LSM14B: variants seen among roughly 807,000 people sequenced by gnomAD.
LSM14B encodes LSM family member 14B.
A neutral mutation model predicts 42.1 loss-of-function variants in LSM14B; 8 were observed. That is an observed-to-expected ratio of 0.19 (90% CI 0.11 to 0.34). LSM14B has a LOEUF of 0.34. Ranked by LOEUF, LSM14B falls within the 10% of genes least tolerant of loss-of-function variation. The pLI, the probability that LSM14B is intolerant of heterozygous loss-of-function variation, is 1.00. For missense variants in LSM14B, 396 were observed against 513.1 expected (o/e 0.77, Z 2.21); for synonymous variants, 219 against 209.7 (o/e 1.04, Z -0.38).
At chr20:62,131,152 G>A (rs1158262834) in intron 6 of LSM14B, among the ~76,000 whole-genome samples, 1 of 152,208 alleles carries the variant, frequency 6.6e-6, no homozygotes, top group East Asian at 1.9e-4. Flanking sequence ...GAAAATGGGT[G>A]GGATAAGGTG....
rs1186586853 is a variant in LSM14B at position 62,133,425 on chromosome 20, C to T, written c.1122C>T (p.Asn374=). ...GGRGNGTTRR[N]PTSHRAGTGR... ...GGGGCAATGGGACCACCCGTCGCAA[C>T]CCCACTTCCCACAGGGCCGGGACTG... Residue 374 remains asparagine, a synonymous_variant, in exon 8 of 9, where the codon AAC becomes AAT. Coordinates refer to ENST00000279068, the MANE Select transcript of LSM14B (RefSeq NM_144703.3). 1 of 1,613,120 alleles carries T rather than the reference C, an allele frequency of 6.2e-7. No individual in the cohort carries two copies. Among genetic ancestry groups the T allele is most frequent in the South Asian group, 1.1e-5 (1 of 91,060 alleles).
At chr20:62,125,969 G>A (rs567572807) in intron 2 of LSM14B, among the ~76,000 whole-genome samples, 1 of 152,342 alleles carries the variant, frequency 6.6e-6, no homozygotes, top group South Asian at 2.1e-4. Context: ...CTGAGGCTGG[G>A]AGAATCGCTT....
intron 7 of LSM14B, 95 bp downstream of exon 7, chr20:62,131,601 G>T (rs1160469415): frequency 1.4e-6 from 2 of 1,469,966 alleles, no homozygotes; most frequent in Non-Finnish European, 9.3e-7. Context: ...GGACTCTGAG[G>T]CTCAGGGTAG....
At chr20:62,128,825 A>ATTTTTTTTTTT in intron 3 of LSM14B, 3 of 671,038 alleles carry the variant, frequency 4.5e-6, no homozygotes, top group Non-Finnish European at 6.5e-6. Flanking sequence ...TCTACAGTCA[A>ATTTTTTTTTTT]TTTTTTTTTT....
chr20:62,130,423 C>G lies in LSM14B; in HGVS notation c.674-107C>G. 2 of 1,537,026 alleles carry G rather than the reference C, an allele frequency of 1.3e-6. No individual in the cohort carries two copies. Among genetic ancestry groups the G allele is most frequent in the Non-Finnish European group, 1.8e-6 (2 of 1,133,470 alleles). ...GGTGTGAAGTCGCTGCTTGTGTGCT[C>G]TGTTCCTTCTGTGGCCTTGGGGGTG... On this transcript the variant is annotated intron_variant, in intron 5 of 8. Transcript: ENST00000279068. The surrounding 1 kb of genome is among the most constrained non-coding windows in gnomAD (Gnocchi z 4.1).
rs2056873433 is a variant in LSM14B, at chr20:62,135,278, G to A, written c.*1130G>A. The A allele has an allele frequency of 6.6e-6, 1 of 152,196 alleles. No homozygotes were observed. The highest frequency in any genetic ancestry group is 2.4e-5 in the African/African-American group (1 of 41,446). The allele number at this position is 152,196 out of a possible 1,614,324, so 9.4% of individuals were successfully genotyped here. On this transcript the variant is annotated 3_prime_UTR_variant, in exon 9 of 9. Coordinates refer to ENST00000279068, the MANE Select transcript of LSM14B (RefSeq NM_144703.3). ...ACTGTAAAAGCTTGGGTTTATTTTT[G>A]TAGGACTTAATGGCTAAGAATTAGA...
intron 3 of LSM14B, chr20:62,128,825 ATTT>A (rs3215746): frequency 4.8e-5 from 32 of 670,938 alleles, no homozygotes; most frequent in Non-Finnish European, 6.7e-5. Flanking sequence ...TCTACAGTCA[ATTT>A]TTTTTTTCAT....
In LSM14B at chr20:62,124,769, G is replaced by A. The variant is rs1317658835; in HGVS notation, c.280G>A (p.Ala94Thr). 3.7e-6 allele frequency: 6 copies of A among 1,612,444 alleles called. No homozygotes were observed. Among genetic ancestry groups the A allele is most frequent in the South Asian group, 2.2e-5 (2 of 90,890 alleles). ...KAQHTLPQDP[A>T]IVQSSLGSAS... ...TCAGCACACACTCCCGCAGGATCCC[G>A]CCATTGTTCAGGTAAGTGTGCCACT... Residue 94 changes from alanine to threonine, a missense_variant, in exon 2 of 9, where the codon GCC (alanine) becomes ACC (threonine). By Grantham distance (58) the Ala-to-Thr change is moderately conservative. Transcript: ENST00000279068.
chr20:62,134,471 TGAC>T lies in LSM14B; in HGVS notation c.*324_*326del. The T allele has an allele frequency of 5.0e-5, 11 of 221,448 alleles. No individual in the cohort carries two copies. Among genetic ancestry groups the T allele is most frequent in the Non-Finnish European group, 6.3e-5 (7 of 110,600 alleles). 13.7% of individuals were successfully genotyped at this position (221,448 alleles called of 1,614,324 possible). On this transcript the variant is annotated 3_prime_UTR_variant, in exon 9 of 9. Transcript: ENST00000279068. ...TAGTGAAAGCTGAATCCTTACTTTGTGACTTTTTTTTTTTTTTTTAATGACAAG... is the reference window on the plus strand; with the variant it reads ...TAGTGAAAGCTGAATCCTTACTTTGTTTTTTTTTTTTTTTTTAATGACAAG...
intron 3 of LSM14B, among the ~76,000 whole-genome samples, chr20:62,126,659 A>G (rs565742255): frequency 1.3e-5 from 2 of 152,364 alleles, no homozygotes; most frequent in East Asian, 3.9e-4. Context: ...GTGTTGGAAC[A>G]GAAGAATCAA....
rs925114875 is a variant in LSM14B at position 62,130,187 on chromosome 20, G to C, written c.596-32G>C. 6.4e-7 allele frequency: 1 copy of C among 1,568,334 alleles called. No individual in the cohort carries two copies. Among genetic ancestry groups the C allele is most frequent in the Non-Finnish European group, 8.6e-7 (1 of 1,157,010 alleles). On this transcript the variant is annotated intron_variant, in intron 4 of 8. Transcript: ENST00000279068. The surrounding 1 kb of genome is among the most constrained non-coding windows in gnomAD (Gnocchi z 4.1). ...GTTCTGGCTTCCGGCTGCTATAGGA[G>C]CTTTGCCTTACTCTTCCCTTTTGCG...
chr20:62,127,774 GA>G, intron 3 of LSM14B: 1 of 1,060,574 alleles, frequency 9.4e-7, no homozygotes, highest in South Asian at 1.3e-5. Context: ...GCAGCAGACA[GA>G]ATGACAGTAG....
chr20:62,129,869 C>A lies in LSM14B; in HGVS notation c.512C>A (p.Ala171Asp), dbSNP rs753339473. 14 of 1,613,030 alleles carry A rather than the reference C, an allele frequency of 8.7e-6. No individual in the cohort carries two copies. The highest frequency in any genetic ancestry group is 1.2e-5 in the Non-Finnish European group (14 of 1,179,610). ...ACTGGTTCTGCTGACAACCTGAATG[C>A]TAAAAAGCTGTTACCTGGCAAGGGC... ...VQTGSADNLN[A>D]KKLLPGKGTT... The change falls in exon 4 of 9, where the codon GCT becomes GAT. Residue 171 changes from alanine to aspartate, a missense_variant. Transcript: ENST00000279068.
intron 6 of LSM14B, 63 bp from the exon 7 acceptor site, chr20:62,131,293 C>G: frequency 6.6e-7 from 1 of 1,524,622 alleles, no homozygotes; most frequent in South Asian, 1.3e-5. Flanking sequence ...GAGGGACCAC[C>G]CTGCTAAAAG....
At chr20:62,127,963 T>C in intron 3 of LSM14B, 1 of 632,698 alleles carries the variant, frequency 1.6e-6, no homozygotes, top group Non-Finnish European at 2.9e-6. Flanking sequence ...GACTACCACA[T>C]ACGGGAAACT....
intron 1 of LSM14B, chr20:62,123,142 C>G (rs1483064005): frequency 6.5e-6 from 1 of 154,400 alleles, no homozygotes; most frequent in Non-Finnish European, 1.4e-5. Context: ...TCTGCAGGTG[C>G]CAGCTCCGAG....
In LSM14B at chr20:62,128,526, C is replaced by T. The variant is rs188879745; in HGVS notation, c.428-1259C>T. ...CCCCCACTTAAAAATGACACAGATACTTCTATTGCTCTTAGGATCAGTTAC... is the reference window on the plus strand; with the variant it reads ...CCCCCACTTAAAAATGACACAGATATTTCTATTGCTCTTAGGATCAGTTAC... On this transcript the variant is annotated intron_variant, in intron 3 of 8. Transcript: ENST00000279068. 7.2e-4 allele frequency among the ~76,000 whole-genome samples: 109 copies of T among 152,250 alleles called. 1 individual carries two copies. Among genetic ancestry groups the T allele is most frequent in the South Asian group, 6.0e-3 (29 of 4,824 alleles).
intron 6 of LSM14B, 38 bp from the exon 7 acceptor site, chr20:62,131,318 C>T (rs752796164): frequency 3.1e-5 from 49 of 1,557,756 alleles, no homozygotes; most frequent in Admixed American, 5.6e-5. Context: ...TGCGCTCTGC[C>T]CCTCCTCCAT....
In LSM14B at chr20:62,130,676, A is replaced by C; in HGVS notation, c.820A>C (p.Lys274Gln). The change falls in exon 6 of 9, where the codon AAA becomes CAA. Residue 274 changes from lysine to glutamine, a missense_variant. By Grantham distance (53) the Lys-to-Gln change is moderately conservative (BLOSUM62 1). Transcript: ENST00000279068. The surrounding 1 kb of genome is among the most constrained non-coding windows in gnomAD (Gnocchi z 4.1). ...GGAGCTTGACAAAGAATTTAAGAAG[A>C]AACTGAATTTTAAAGGTTTGGCTCA... Reference protein sequence around the residue: ...REELDKEFKKKLNFKDDKAEK... With the variant: ...REELDKEFKKQLNFKDDKAEK... 6.2e-7 allele frequency: 1 copy of C among 1,613,634 alleles called. No individual in the cohort carries two copies. Among genetic ancestry groups the C allele is most frequent in the Non-Finnish European group, 8.5e-7 (1 of 1,179,808 alleles).
Sources: gnomAD v4.1 joint callset for allele counts (sites outside exome capture counted in the v4.1 genomes callset) on GRCh38, gnomAD v4.1.1 for gene constraint, Gnocchi (gnomAD v3.1) non-coding constraint, MANE v1.5 for transcripts, NCBI Gene and HGNC (gene_info 2026-07-23, HGNC 2026-07-21) for gene names.